MAP2K6: variants seen among roughly 807,000 people sequenced by gnomAD.
MAP2K6 encodes the protein mitogen-activated protein kinase kinase 6.
A neutral mutation model predicts 53.7 loss-of-function variants in MAP2K6; 16 were observed. That is an observed-to-expected ratio of 0.30 (90% CI 0.20 to 0.45). The LOEUF is 0.45. MAP2K6 is among the 20% of genes least tolerant of loss of function. The pLI is 1.00. For missense variants in MAP2K6, 204 were observed against 411.9 expected (o/e 0.50, Z 4.37); for synonymous variants, 132 against 143.1 (o/e 0.92, Z 0.55).
At chr17:69,457,475 G>A (rs1212697104) in intron 1 of MAP2K6, among the ~76,000 whole-genome samples, 2 of 152,156 alleles carry the variant, frequency 1.3e-5, no homozygotes, top group Non-Finnish European at 2.9e-5. Flanking sequence ...TTCCCTGGGG[G>A]CTTGCTACTC....
At chr17:69,420,816 G>T (rs2145126015) in intron 1 of MAP2K6, among the ~76,000 whole-genome samples, 1 of 152,294 alleles carries the variant, frequency 6.6e-6, no homozygotes, top group South Asian at 2.1e-4. Context: ...CTGGCAAGGG[G>T]GAGCTGATGG....
chr17:69,492,814 G>C (rs1394193838), intron 1 of MAP2K6, among the ~76,000 whole-genome samples: 1 of 152,118 alleles, frequency 6.6e-6, no homozygotes, highest in African/African-American at 2.4e-5. Flanking sequence ...AATCACATCT[G>C]CAAAAAATTA....
At chr17:69,512,612 C>T (rs994010052) in intron 2 of MAP2K6, among the ~76,000 whole-genome samples, 2 of 152,088 alleles carry the variant, frequency 1.3e-5, no homozygotes, top group Non-Finnish European at 2.9e-5. Context: ...GTTGGGATTA[C>T]AGGCGTGAGC....
chr17:69,536,316 T>C (rs1439301438), intron 11 of MAP2K6, among the ~76,000 whole-genome samples, 156 bp downstream of exon 11: 1 of 152,160 alleles, frequency 6.6e-6, no homozygotes, highest in Non-Finnish European at 1.5e-5. Flanking sequence ...AGTTAAAGAG[T>C]TCATCCTACA....
chr17:69,438,398 A>C lies in MAP2K6; in HGVS notation c.16+23398A>C, dbSNP rs758310901. 6.4e-4 allele frequency among the ~76,000 whole-genome samples: 98 copies of C among 152,290 alleles called. No individual in the cohort carries two copies. In the Middle Eastern group the frequency reaches 0.017, roughly 26 times the overall value. On this transcript the variant is annotated intron_variant, in intron 1 of 11. Coordinates refer to ENST00000590474, the MANE Select transcript of MAP2K6 (RefSeq NM_002758.4). Reference sequence around the variant, plus strand: ...TATCTCATTTAATTCTTCACAAAAAATTATATGGAAGTCATAGAAGACTAA... The same window carrying C: ...TATCTCATTTAATTCTTCACAAAAACTTATATGGAAGTCATAGAAGACTAA...
At chr17:69,467,080 T>C (rs1341175810) in intron 1 of MAP2K6, among the ~76,000 whole-genome samples, 4 of 150,790 alleles carry the variant, frequency 2.7e-5, no homozygotes, top group Non-Finnish European at 6.0e-5. Context: ...CATGAACTGG[T>C]AATCTCAGCG....
intron 4 of MAP2K6, among the ~76,000 whole-genome samples, chr17:69,518,654 A>G (rs1381457340): frequency 6.6e-6 from 1 of 152,210 alleles, no homozygotes; most frequent in Non-Finnish European, 1.5e-5. Context: ...AAGAATGGGA[A>G]TACTTTTATC....
At chr17:69,539,535 C>G (rs1417804592) in intron 11 of MAP2K6, among the ~76,000 whole-genome samples, 1 of 152,192 alleles carries the variant, frequency 6.6e-6, no homozygotes, top group East Asian at 1.9e-4. Context: ...TACCCGTTTT[C>G]CCCTCCCCCT....
intron 1 of MAP2K6, among the ~76,000 whole-genome samples, chr17:69,447,604 C>A (rs1201562065): frequency 1.3e-5 from 2 of 152,184 alleles, no homozygotes; most frequent in Non-Finnish European, 2.9e-5. Context: ...TCTTGGCCTC[C>A]CAAAGTGCTG....
In MAP2K6 at chr17:69,527,721, A is replaced by G. The variant is rs568203660; in HGVS notation, c.881+1012A>G. The stretch of plus-strand genomic sequence containing the variant: ...CCCTGGGAGGGGAGCCGTTCTGAGT[A>G]CTCACTGCTGGGGAAGGGCCTGGAG... On this transcript the variant is annotated intron_variant, in intron 10 of 11. Transcript: ENST00000590474. 1.3e-3 allele frequency among the ~76,000 whole-genome samples: 193 copies of G among 152,132 alleles called. 1 individual carries two copies. The highest frequency in any genetic ancestry group is 3.4e-3 in the Middle Eastern group (1 of 294).
intron 4 of MAP2K6, among the ~76,000 whole-genome samples, chr17:69,518,942 T>A (rs1222675826): frequency 6.6e-6 from 1 of 152,214 alleles, no homozygotes; most frequent in Non-Finnish European, 1.5e-5. Context: ...AAGAAGAGCT[T>A]TTGGCTTTTT....
chr17:69,438,288 A>G (rs1429068003), intron 1 of MAP2K6, among the ~76,000 whole-genome samples: 1 of 152,318 alleles, frequency 6.6e-6, no homozygotes, highest in Non-Finnish European at 1.5e-5. Flanking sequence ...CTGCATTTCC[A>G]TGGGTCCAAT....
Position 69,414,699 on chromosome 17 carries a change from T to G in MAP2K6, c.-286T>G, listed in dbSNP as rs1017324587. The G allele has an allele frequency of 2.6e-6, 1 of 381,956 alleles. No homozygotes were observed. Among genetic ancestry groups the G allele is most frequent in the Non-Finnish European group, 4.8e-6 (1 of 208,740 alleles). The allele number at this position is 381,956 out of a possible 1,614,324, so 23.7% of individuals were successfully genotyped here. On this transcript the variant is annotated 5_prime_UTR_variant, in exon 1 of 12. Coordinates refer to ENST00000590474, the MANE Select transcript of MAP2K6 (RefSeq NM_002758.4). ...GACGTCTGCGCACTAAGATACTCAG[T>G]TCCAAGTTTGGAGCTTTTAGCTGCC...
At chr17:69,430,031 G>T (rs1906406104) in intron 1 of MAP2K6, among the ~76,000 whole-genome samples, 1 of 152,088 alleles carries the variant, frequency 6.6e-6, no homozygotes, top group Non-Finnish European at 1.5e-5. Context: ...GGGGAAGAAA[G>T]AAATAATAAA....
rs972266508 is a variant in MAP2K6 at position 69,537,012 on chromosome 17, G to A, written c.927+852G>A. 7.2e-5 allele frequency among the ~76,000 whole-genome samples: 11 copies of A among 152,164 alleles called. No homozygotes were observed. The East Asian group carries it at 1.3e-3, about 19-fold the overall frequency. On this transcript the variant is annotated intron_variant, in intron 11 of 11. Coordinates refer to ENST00000590474, the MANE Select transcript of MAP2K6 (RefSeq NM_002758.4). Reference sequence around the variant, plus strand: ...TGGCAGGATCACTTGAGCCCAGGAAGTTAAGGCTGCAGTGAGCCGTGATTG... The same window carrying A: ...TGGCAGGATCACTTGAGCCCAGGAAATTAAGGCTGCAGTGAGCCGTGATTG...
At chr17:69,540,856 T>C (rs1419961943) in intron 11 of MAP2K6, among the ~76,000 whole-genome samples, 1 of 152,236 alleles carries the variant, frequency 6.6e-6, no homozygotes, top group Non-Finnish European at 1.5e-5. Flanking sequence ...TGGCTTTAAC[T>C]GTTTTAGTCT....
At chr17:69,483,199 A>G (rs1305286849) in intron 1 of MAP2K6, among the ~76,000 whole-genome samples, 1 of 152,078 alleles carries the variant, frequency 6.6e-6, no homozygotes, top group Admixed American at 6.5e-5. Flanking sequence ...TGTAGATAGA[A>G]AATTCTAAGG....
chr17:69,424,373 A>T (rs776853026), intron 1 of MAP2K6, among the ~76,000 whole-genome samples: 1 of 152,214 alleles, frequency 6.6e-6, no homozygotes, highest in East Asian at 1.9e-4. Flanking sequence ...ACCATCCCAG[A>T]TGGTATCACT....
intron 1 of MAP2K6, among the ~76,000 whole-genome samples, chr17:69,432,151 GATATTT>G (rs1906482929): frequency 6.6e-6 from 1 of 152,178 alleles, no homozygotes; most frequent in African/African-American, 2.4e-5. Flanking sequence ...TGGTTAGACT[GATATTT>G]AAATGAAGCT....
Sources: gnomAD v4.1 joint callset for allele counts (sites outside exome capture counted in the v4.1 genomes callset) on GRCh38, gnomAD v4.1.1 for gene constraint, MANE v1.5 for transcripts, NCBI Gene and HGNC (gene_info 2026-07-23, HGNC 2026-07-21) for gene names.